PPP1R2: variants seen among roughly 807,000 people sequenced by gnomAD.
PPP1R2 encodes protein phosphatase inhibitor 2.
A neutral mutation model predicts 29.9 loss-of-function variants in PPP1R2; 16 were observed. The observed-to-expected ratio is 0.53, with a 90% CI of 0.36 to 0.81. PPP1R2 has a LOEUF of 0.81. Among genes scored for constraint, PPP1R2 ranks in the 30% least tolerant of loss-of-function variants. PPP1R2 has a pLI of 0.00. For synonymous variants in PPP1R2, 76 were observed against 91.5 expected, an observed-to-expected ratio of 0.83 and a Z score of 0.96; for missense variants, 197 against 252.7, an observed-to-expected ratio of 0.78 and a Z score of 1.49.
chr3:195,542,766 C>T (rs1719643052), intron 1 of PPP1R2, 138 bp downstream of exon 1: 1 of 1,069,898 alleles, frequency 9.3e-7, no homozygotes, highest in African/African-American at 1.7e-5. Context: ...TCGCTCCCAC[C>T]CGCGGCTAGC....
chr3:195,538,614 T>C (rs1263445858), intron 1 of PPP1R2, among the ~76,000 whole-genome samples: 1 of 152,200 alleles, frequency 6.6e-6, no homozygotes, highest in African/African-American at 2.4e-5. Flanking sequence ...GTTTATATCT[T>C]AAATTACATC....
chr3:195,514,493 A>G lies in PPP1R2; in HGVS notation c.*2403T>C, dbSNP rs1718473671. The G allele has an allele frequency of 6.6e-6, 1 of 152,254 alleles. No homozygotes were observed. Among genetic ancestry groups the G allele is most frequent in the African/African-American group, 2.4e-5 (1 of 41,460 alleles). The allele number at this position is 152,254 out of a possible 1,614,324, so 9.4% of individuals were successfully genotyped here. Reference sequence around the variant, plus strand: ...TAACTGAAAGGGAAAAATGTAAACAAAACCAAAGTCATGGGGAAAATGGCA... The same window carrying G: ...TAACTGAAAGGGAAAAATGTAAACAGAACCAAAGTCATGGGGAAAATGGCA... On this transcript the variant is annotated 3_prime_UTR_variant, in exon 6 of 6. Transcript: ENST00000618156.
Position 195,543,005 on chromosome 3 carries a change from C to A in PPP1R2, c.21G>T (p.Ser7=). 1 of 1,598,732 alleles carries A rather than the reference C, an allele frequency of 6.3e-7. No individual in the cohort carries two copies. Among genetic ancestry groups the A allele is most frequent in the Non-Finnish European group, 8.5e-7 (1 of 1,173,280 alleles). ...TCAAGATCCCCTTGATGGGCCGGTG[C>A]GAGGCCGTCGAGGCCGCCATTGCCG... is the stretch of plus-strand genomic sequence containing the variant. MAASTA[S]HRPIKGILKN... is the part of the protein sequence containing the mutation. The change falls in exon 1 of 6, where the codon TCG becomes TCT. Residue 7 remains serine, a synonymous_variant. Transcript: ENST00000618156.
chr3:195,525,842 C>T (rs1386678729), intron 2 of PPP1R2, among the ~76,000 whole-genome samples: 2 of 152,060 alleles, frequency 1.3e-5, no homozygotes, highest in Non-Finnish European at 2.9e-5. Context: ...ACAAGTAAGT[C>T]TATAGTTTAG....
intron 5 of PPP1R2, among the ~76,000 whole-genome samples, chr3:195,518,707 TACA>T (rs1718644475): frequency 6.6e-6 from 1 of 150,738 alleles, no homozygotes; most frequent in African/African-American, 2.4e-5. Flanking sequence ...TTATGACAAA[TACA>T]ACATGACCTA....
chr3:195,526,065 C>T (rs919158341), intron 2 of PPP1R2, among the ~76,000 whole-genome samples: 1 of 151,398 alleles, frequency 6.6e-6, no homozygotes, highest in Non-Finnish European at 1.5e-5. Context: ...GATAATAAGA[C>T]ATGATGTTTC....
chr3:195,520,064 G>A lies in PPP1R2; in HGVS notation c.404-879C>T, dbSNP rs187571162. On this transcript the variant is annotated intron_variant, in intron 4 of 5. Transcript: ENST00000618156. Reference sequence around the variant, plus strand: ...TCACTCTAATTGCCCAGGCTGGAGTGCAATGTGCAATCTTGGCTCACGGCA... The same window carrying A: ...TCACTCTAATTGCCCAGGCTGGAGTACAATGTGCAATCTTGGCTCACGGCA... 1.6e-4 allele frequency among the ~76,000 whole-genome samples: 25 copies of A among 151,834 alleles called. No homozygotes were observed. The East Asian group carries it at 3.9e-3, about 24-fold the overall frequency.
intron 2 of PPP1R2, 56 bp downstream of exon 2, chr3:195,529,738 T>C (rs1719111003): frequency 5.5e-6 from 7 of 1,262,510 alleles, no homozygotes; most frequent in African/African-American, 4.6e-5. Context: ...CAGACGTTCA[T>C]ATGAAATGCA....
chr3:195,518,970 G>C, intron 5 of PPP1R2, 48 bp downstream of exon 5: 1 of 1,596,474 alleles, frequency 6.3e-7, no homozygotes, highest in Non-Finnish European at 8.5e-7. Flanking sequence ...CATTATCTTA[G>C]GCATAGACCA....
At position 195,519,055 on chromosome 3, in the gene PPP1R2, T is replaced by G; in HGVS notation, c.534A>C (p.Ala178=). 1.9e-6 allele frequency: 3 copies of G among 1,603,610 alleles called. No individual in the cohort carries two copies. Among genetic ancestry groups the G allele is most frequent in the Non-Finnish European group, 2.6e-6 (3 of 1,171,614 alleles). The change falls in exon 5 of 6, where the codon GCA becomes GCC. Residue 178 remains alanine (A), a synonymous_variant. Coordinates refer to ENST00000618156, the MANE Select transcript of PPP1R2 (RefSeq NM_006241.8). Reference sequence around the variant, plus strand: ...CTTCCGTATTCATGCTTTCTCCATCTGCAGTCTCTAACATTTCTTCATCTT... The same window carrying G: ...CTTCCGTATTCATGCTTTCTCCATCGGCAGTCTCTAACATTTCTTCATCTT... ...DDEDEEMLET[A]DGESMNTEES...
rs377538471 is a variant in PPP1R2 at position 195,515,484 on chromosome 3, A to G, written c.*1412T>C. On this transcript the variant is annotated 3_prime_UTR_variant, in exon 6 of 6. Coordinates refer to ENST00000618156, the MANE Select transcript of PPP1R2 (RefSeq NM_006241.8). ...TAACAGATTATTTTGGTACTAACAA[A>G]AGTTGTACACAATTCATCAATTGTA... 8 of 152,734 alleles carry G rather than the reference A, an allele frequency of 5.2e-5. No homozygotes were observed. In the South Asian group the frequency reaches 1.0e-3, roughly 20 times the overall value. The allele number at this position is 152,734 out of a possible 1,614,324, so 9.5% of individuals were successfully genotyped here.
chr3:195,532,013 C>T (rs1719197985), intron 1 of PPP1R2, among the ~76,000 whole-genome samples: 1 of 152,076 alleles, frequency 6.6e-6, no homozygotes, highest in Non-Finnish European at 1.5e-5. Flanking sequence ...AAGGTTCATT[C>T]ATATTGTAGC....
chr3:195,532,712 A>G lies in PPP1R2; in HGVS notation c.123-2811T>C, dbSNP rs147300380. Reference sequence around the variant, plus strand: ...CCACTTATATGCGGATTTTTTTTCAACAAATCTACTGGAAATTTTTTTGGA... The same window carrying G: ...CCACTTATATGCGGATTTTTTTTCAGCAAATCTACTGGAAATTTTTTTGGA... On this transcript the variant is annotated intron_variant, in intron 1 of 5. Transcript: ENST00000618156. 1.1e-3 allele frequency among the ~76,000 whole-genome samples: 174 copies of G among 152,294 alleles called. 1 individual carries two copies. The highest frequency in any genetic ancestry group is 3.9e-3 in the African/African-American group (163 of 41,568).
At chr3:195,538,405 A>G (rs541357589) in intron 1 of PPP1R2, among the ~76,000 whole-genome samples, 16 of 152,372 alleles carry the variant, frequency 1.1e-4, no homozygotes, top group African/African-American at 3.8e-4. Flanking sequence ...ATGAAGATTC[A>G]ACTTATATAG....
At chr3:195,540,300 A>G (rs1475960222) in intron 1 of PPP1R2, among the ~76,000 whole-genome samples, 1 of 152,208 alleles carries the variant, frequency 6.6e-6, no homozygotes, top group Non-Finnish European at 1.5e-5. Flanking sequence ...TACTGTAAAC[A>G]AGTGTCCTTT....
chr3:195,524,044 C>A (rs1180695609), intron 3 of PPP1R2, among the ~76,000 whole-genome samples: 1 of 151,142 alleles, frequency 6.6e-6, no homozygotes, highest in African/African-American at 2.4e-5. Flanking sequence ...GCTTTGATTG[C>A]GCCTCTGCAC....
intron 1 of PPP1R2, 65 bp downstream of exon 1, chr3:195,542,839 G>C (rs1392961650): frequency 2.0e-6 from 3 of 1,519,938 alleles, no homozygotes; most frequent in African/African-American, 1.4e-5. Context: ...CCGCCCCTGG[G>C]GTCTGGGTAG....
chr3:195,535,475 G>A (rs1287398573), intron 1 of PPP1R2, among the ~76,000 whole-genome samples: 1 of 152,170 alleles, frequency 6.6e-6, no homozygotes, highest in Non-Finnish European at 1.5e-5. Context: ...CAGATGTTAC[G>A]CATGACTTCA....
At chr3:195,517,568 T>A (rs1203348782) in intron 5 of PPP1R2, among the ~76,000 whole-genome samples, 3 of 152,150 alleles carry the variant, frequency 2.0e-5, no homozygotes, top group Non-Finnish European at 2.9e-5. Context: ...TAATACAAAA[T>A]TTTAATCCTC....
Sources: allele counts gnomAD v4.1 joint callset (sites outside exome capture counted in the v4.1 genomes callset), GRCh38; gene constraint gnomAD v4.1.1; transcripts MANE v1.5; gene names NCBI Gene and HGNC (gene_info 2026-07-23, HGNC 2026-07-21).